Variants in USP8 observed in about 807,000 individuals in gnomAD.
The protein encoded by USP8 is ubiquitin specific peptidase 8.
In USP8, 27 loss-of-function variants were observed where a neutral mutation model predicts 130.0. That is an observed-to-expected ratio of 0.21 (90% CI 0.15 to 0.29). USP8 has a LOEUF of 0.29. Ranked by LOEUF, USP8 falls within the 10% of genes least tolerant of loss-of-function variation. The pLI is 1.00. For synonymous variants in USP8, 392 were observed against 444.1 expected, an observed-to-expected ratio of 0.88 and a Z score of 1.48; for missense variants, 1,029 against 1,312.2, an observed-to-expected ratio of 0.78 and a Z score of 3.33.
chr15:50,465,070 T>C lies in USP8; in HGVS notation c.565T>C (p.Tyr189His). The C allele has an allele frequency of 6.2e-7, 1 of 1,614,134 alleles. No homozygotes were observed. The highest frequency in any genetic ancestry group is 8.5e-7 in the Non-Finnish European group (1 of 1,180,018). ...AGGAGCAATCACAGCAAAGGAACTATACACAATGATGACGGATAAAAACAT... is the reference window on the plus strand; with the variant it reads ...AGGAGCAATCACAGCAAAGGAACTACACACAATGATGACGGATAAAAACAT... Reference protein sequence around the residue: ...EKGAITAKELYTMMTDKNISL... With the variant: ...EKGAITAKELHTMMTDKNISL... Residue 189 changes from tyrosine (Y) to histidine (H), a missense_variant, in exon 7 of 20, where the codon TAC (tyrosine) becomes CAC (histidine). By Grantham distance (83) the Tyr-to-His change is moderately conservative. This residue lies in a region of USP8 where 281 missense variants were observed against 336.7 expected (regional missense o/e 0.83). Transcript: ENST00000307179.
chr15:50,436,329 AT>A (rs752398736), intron 1 of USP8, among the ~76,000 whole-genome samples: 15 of 151,648 alleles, frequency 9.9e-5, no homozygotes, highest in Non-Finnish European at 2.1e-4. Context: ...CTCAAATCAA[AT>A]GTTGTCTCTT....
chr15:50,456,462 A>T (rs1424354406), intron 4 of USP8, among the ~76,000 whole-genome samples: 4 of 151,190 alleles, frequency 2.6e-5, no homozygotes, highest in African/African-American at 9.7e-5. Flanking sequence ...CATCCCAGCC[A>T]CTCGAGAGGC....
intron 14 of USP8, among the ~76,000 whole-genome samples, chr15:50,490,864 A>C (rs1485688209): frequency 2.0e-5 from 3 of 152,176 alleles, no homozygotes; most frequent in Non-Finnish European, 4.4e-5. Flanking sequence ...CATAATTTTC[A>C]GCAATATTGA....
chr15:50,462,357 T>G, intron 6 of USP8, 35 bp downstream of exon 6: 2 of 1,563,438 alleles, frequency 1.3e-6, no homozygotes, highest in Non-Finnish European at 1.7e-6. Flanking sequence ...TTGTTTTAGG[T>G]TCTGACTGAG....
intron 3 of USP8, among the ~76,000 whole-genome samples, chr15:50,442,441 A>T (rs1218875337): frequency 2.6e-5 from 4 of 152,172 alleles, no homozygotes; most frequent in African/African-American, 9.7e-5. Flanking sequence ...TTTCAATTGT[A>T]TTAGAAACTA....
chr15:50,498,600 T>A lies in USP8; in HGVS notation c.3043T>A (p.Ser1015Thr), dbSNP rs747898807. The A allele has an allele frequency of 3.1e-6, 5 of 1,607,098 alleles. No individual in the cohort carries two copies. In the Admixed American group the frequency reaches 8.5e-5, roughly 27 times the overall value. ...PVLLVHLKRF[S>T]YDGRWKQKLQ... is the part of the protein sequence containing the mutation. Reference sequence around the variant, plus strand: ...TTGTAATGTTTTGTTCTGCAGTTTTTCCTACGATGGCAGGTGGAAACAAAA... The same window carrying A: ...TTGTAATGTTTTGTTCTGCAGTTTTACCTACGATGGCAGGTGGAAACAAAA... The change falls in exon 19 of 20, where the codon TCC becomes ACC. Residue 1015 changes from serine (S) to threonine (T), a missense_variant. Coordinates refer to ENST00000307179, the MANE Select transcript of USP8 (RefSeq NM_005154.5).
chr15:50,483,532 C>T (rs932644477), intron 11 of USP8, among the ~76,000 whole-genome samples: 1 of 152,212 alleles, frequency 6.6e-6, no homozygotes, highest in African/African-American at 2.4e-5. Flanking sequence ...CGTTGGCCCA[C>T]GCCTATAATC....
At chr15:50,496,498 A>G (rs1051180620) in intron 17 of USP8, among the ~76,000 whole-genome samples, 4 of 152,030 alleles carry the variant, frequency 2.6e-5, no homozygotes, top group African/African-American at 4.8e-5. Flanking sequence ...AAAAAAAAAA[A>G]AACCTTTTAT....
chr15:50,494,428 A>T (rs1333640810), intron 16 of USP8, 148 bp downstream of exon 16: 2 of 658,752 alleles, frequency 3.0e-6, no homozygotes, highest in Middle Eastern at 4.2e-4. Flanking sequence ...ATAAAACATC[A>T]GGTAAGTGTA....
chr15:50,452,831 A>C (rs906129823), intron 4 of USP8, among the ~76,000 whole-genome samples: 1 of 152,180 alleles, frequency 6.6e-6, no homozygotes, highest in East Asian at 1.9e-4. Flanking sequence ...ACCAAATAAT[A>C]AGTTTTTGTG....
At chr15:50,433,714 T>A (rs1238399568) in intron 1 of USP8, among the ~76,000 whole-genome samples, 1 of 152,178 alleles carries the variant, frequency 6.6e-6, no homozygotes, top group Non-Finnish European at 1.5e-5. Flanking sequence ...CGTGCCATTC[T>A]CCTGCCTCAG....
chr15:50,479,559 C>G (rs2051689899), intron 10 of USP8, among the ~76,000 whole-genome samples: 1 of 152,010 alleles, frequency 6.6e-6, no homozygotes, highest in Non-Finnish European at 1.5e-5. Flanking sequence ...AAAAATAGAT[C>G]AAGCCACCAA....
intron 3 of USP8, among the ~76,000 whole-genome samples, chr15:50,444,025 A>T (rs1370836852): frequency 6.6e-6 from 1 of 151,920 alleles, no homozygotes; most frequent in African/African-American, 2.4e-5. Context: ...CACTAAAGTA[A>T]ATATTTTTGA....
intron 12 of USP8, among the ~76,000 whole-genome samples, chr15:50,487,849 G>A (rs2052019461): frequency 6.6e-6 from 1 of 152,178 alleles, no homozygotes; most frequent in African/African-American, 2.4e-5. Context: ...CTAAATGCTT[G>A]AGGGCAGTGT....
At chr15:50,497,345 A>T in intron 18 of USP8, 114 bp downstream of exon 18, 1 of 1,329,868 alleles carries the variant, frequency 7.5e-7, no homozygotes, top group Non-Finnish European at 1.0e-6. Flanking sequence ...AAGGGCGATT[A>T]TCTGGTTACA....
At chr15:50,493,120 C>T (rs1305067908) in intron 15 of USP8, 2 of 646,582 alleles carry the variant, frequency 3.1e-6, no homozygotes, top group Non-Finnish European at 5.7e-6. Context: ...TTGCTGCATC[C>T]TCACAGGGTA....
At position 50,500,877 on chromosome 15, in the gene USP8, GAACACT is replaced by G; in HGVS notation, c.*1793_*1798del. 1 of 1,466,996 alleles carries G rather than the reference GAACACT, an allele frequency of 6.8e-7. No homozygotes were observed. The highest frequency in any genetic ancestry group is 1.4e-5 in the African/African-American group (1 of 71,754). 90.9% of individuals were successfully genotyped at this position (1,466,996 alleles called of 1,614,324 possible). A position where few individuals can be genotyped will look rare whatever the true frequency, so the allele number is the denominator to read the frequency against. ...AATGTCAAACTTAGTATTCACATAT[GAACACT>G]AACTACTGGAACAGAAATGATAGGG... On this transcript the variant is annotated 3_prime_UTR_variant, in exon 20 of 20. Transcript: ENST00000307179.
At chr15:50,449,507 T>TA in intron 4 of USP8, 22 bp downstream of exon 4, 1 of 1,372,924 alleles carries the variant, frequency 7.3e-7, no homozygotes, top group Admixed American at 2.3e-5. Context: ...ATGAAATATT[T>TA]AAAATAATGT....
intron 2 of USP8, among the ~76,000 whole-genome samples, chr15:50,439,832 T>A (rs2050198063): frequency 7.5e-6 from 1 of 132,648 alleles, no homozygotes; most frequent in African/African-American, 2.9e-5. Flanking sequence ...ATAATAATTT[T>A]TTTTTTCCAC....
Sources: gnomAD v4.1 joint callset for allele counts (sites outside exome capture counted in the v4.1 genomes callset) on GRCh38, gnomAD v4.1.1 for gene constraint, gnomAD v4.1.1 regional missense constraint, MANE v1.5 for transcripts, NCBI Gene and HGNC (gene_info 2026-07-23, HGNC 2026-07-21) for gene names.